The following BEAN1 variants were observed in gnomAD, a reference collection of about 807,000 sequenced individuals.
BEAN1 encodes the protein protein BEAN1.
Under a neutral mutation model 17.7 loss-of-function variants are expected in BEAN1, and 17 were observed. The ratio of observed to expected loss-of-function variants is 0.96; its 90% CI spans 0.66 to 1.44. BEAN1 has a LOEUF of 1.44. Ranked by LOEUF, BEAN1 falls within the 40% of genes most tolerant of loss-of-function variation. The probability of loss-of-function intolerance (pLI) is 0.00; values close to 1 mark genes in which losing one functional copy is unlikely to be tolerated. For synonymous variants in BEAN1, 142 were observed against 151.8 expected (o/e 0.94, Z 0.47); for missense variants, 359 against 374.1 (o/e 0.96, Z 0.33).
At chr16:66,440,955 C>T (rs1329454765) in intron 2 of BEAN1, among the ~76,000 whole-genome samples, 1 of 152,186 alleles carries the variant, frequency 6.6e-6, no homozygotes, top group Non-Finnish European at 1.5e-5. Flanking sequence ...CCCAAGGAGA[C>T]CCTTGGGGTT....
intron 2 of BEAN1, among the ~76,000 whole-genome samples, chr16:66,452,608 G>A (rs533643629): frequency 6.6e-6 from 1 of 152,368 alleles, no homozygotes; most frequent in Non-Finnish European, 1.5e-5. Context: ...TTGGCGAAGG[G>A]ATCTGTGGGG....
intron 2 of BEAN1, among the ~76,000 whole-genome samples, chr16:66,450,080 A>T (rs1267783175): frequency 2.0e-5 from 3 of 152,258 alleles, no homozygotes; most frequent in African/African-American, 4.8e-5. Flanking sequence ...GCTGAAGTTC[A>T]GTATCTGACT....
At chr16:66,445,086 C>G (rs902175823) in intron 2 of BEAN1, among the ~76,000 whole-genome samples, 2 of 152,180 alleles carry the variant, frequency 1.3e-5, no homozygotes, top group South Asian at 4.1e-4. Context: ...AAAGTCCCAG[C>G]TCTTATGGTG....
Position 66,473,545 on chromosome 16 carries a change from G to A in BEAN1, c.289+3680G>A, listed in dbSNP as rs1000649923. Among the ~76,000 whole-genome samples, 6 of 151,890 alleles carry A rather than the reference G, an allele frequency of 4.0e-5. No homozygotes were observed. The highest frequency in any genetic ancestry group is 2.0e-4 in the Admixed American group (3 of 15,272). ...AGCAGCTGTGGGAGAACATGAAAGCGGCACCACCAGGCGCGGTGCCTCACA... is the reference window on the plus strand; with the variant it reads ...AGCAGCTGTGGGAGAACATGAAAGCAGCACCACCAGGCGCGGTGCCTCACA... On this transcript the variant is annotated intron_variant, in intron 3 of 4. Coordinates refer to ENST00000536005, the MANE Select transcript of BEAN1 (RefSeq NM_001178020.3). The surrounding 1 kb of genome is among the most constrained non-coding windows in gnomAD (Gnocchi z 4.5).
At position 66,456,760 on chromosome 16, in the gene BEAN1, G is replaced by A. The variant is rs565672305; in HGVS notation, c.26-12842G>A. Among the ~76,000 whole-genome samples, 10 of 152,296 alleles carry A rather than the reference G, an allele frequency of 6.6e-5. No homozygotes were observed. The East Asian group carries it at 9.6e-4, about 15-fold the overall frequency. ...CAATAAATAAGTTCTTCTTTAAGCC[G>A]GAGTTAAAACCTTAGTGAATGATGA... On this transcript the variant is annotated intron_variant, in intron 2 of 4. Transcript: ENST00000536005.
rs1027127281 is a variant in BEAN1, at chr16:66,471,971, C to T, written c.289+2106C>T. 4.6e-5 allele frequency among the ~76,000 whole-genome samples: 7 copies of T among 152,182 alleles called. No homozygotes were observed. Among genetic ancestry groups the T allele is most frequent in the Admixed American group, 1.3e-4 (2 of 15,286 alleles). On this transcript the variant is annotated intron_variant, in intron 3 of 4. Transcript: ENST00000536005. This position sits in a 1 kb window ranked among gnomAD's most constrained non-coding sequence, Gnocchi z 4.7. ...GGTAGACCCAGGATGGTCAGTCTGC[C>T]GCCTGCCCCTCGCACAGCCTGGCCC...
chr16:66,439,799 C>G (rs1962178411), intron 2 of BEAN1, among the ~76,000 whole-genome samples: 1 of 152,198 alleles, frequency 6.6e-6, no homozygotes, highest in Admixed American at 6.5e-5. Flanking sequence ...GCCCCTGACT[C>G]TGCCACCAGA....
At chr16:66,453,085 G>C (rs11075635) in intron 2 of BEAN1, among the ~76,000 whole-genome samples, 38,310 of 151,878 alleles carry the variant, frequency 0.25, 5,596 homozygotes, top group East Asian at 0.43. Flanking sequence ...TTGATATTCT[G>C]TGTTGCTTTT....
intron 2 of BEAN1, among the ~76,000 whole-genome samples, chr16:66,440,835 CT>C (rs1962228918): frequency 6.6e-6 from 1 of 152,206 alleles, no homozygotes; most frequent in Non-Finnish European, 1.5e-5. Flanking sequence ...TTGTCTTCCT[CT>C]CTAGGCCAGC....
downstream of BEAN1, among the ~76,000 whole-genome samples, chr16:66,486,308 A>T (rs1347319810): frequency 6.6e-6 from 1 of 152,134 alleles, no homozygotes; most frequent in Non-Finnish European, 1.5e-5. Flanking sequence ...GGCTCACTGC[A>T]ACCTCCGTCT....
At chr16:66,487,471 A>T (rs894452441), downstream of BEAN1, among the ~76,000 whole-genome samples, 1 of 152,176 alleles carries the variant, frequency 6.6e-6, no homozygotes. Context: ...AGGAACTCCC[A>T]GCTCAATTAT....
At chr16:66,456,068 T>G (rs1962855046) in intron 2 of BEAN1, among the ~76,000 whole-genome samples, 1 of 152,214 alleles carries the variant, frequency 6.6e-6, no homozygotes, top group African/African-American at 2.4e-5. Flanking sequence ...AAGCTCATTC[T>G]TGGGAAGGAG....
In BEAN1 at chr16:66,477,657, C is replaced by A. The variant is rs142343073; in HGVS notation, c.387C>A (p.Asp129Glu). 5 of 1,550,704 alleles carry A rather than the reference C, an allele frequency of 3.2e-6. No homozygotes were observed. In the African/African-American group the frequency reaches 6.8e-5, roughly 21 times the overall value. The change falls in exon 4 of 5, where the codon GAC (aspartate) becomes GAA (glutamate). Residue 129 changes from aspartate to glutamate, a missense_variant. Coordinates refer to ENST00000536005, the MANE Select transcript of BEAN1 (RefSeq NM_001178020.3). ...CCCCACCCTTGGACATCAGCTCTGA[C>A]GGGGACGTGGATGCCACGGTGCTCA... ...DWPPPLDISS[D>E]GDVDATVLRE... is the part of the protein sequence containing the mutation.
chr16:66,478,761 GA>G (rs2142462956), intron 4 of BEAN1, among the ~76,000 whole-genome samples: 1 of 152,356 alleles, frequency 6.6e-6, no homozygotes, highest in Admixed American at 6.5e-5. Context: ...TCATGCTGAG[GA>G]GGACGAGGGG....
rs543197094 is a variant in BEAN1 at position 66,471,502 on chromosome 16, G to A, written c.289+1637G>A. On this transcript the variant is annotated intron_variant, in intron 3 of 4. Transcript: ENST00000536005. This position sits in a 1 kb window ranked among gnomAD's most constrained non-coding sequence, Gnocchi z 4.7. ...GCCCCGTGGGCTCAAGGCAGTGTCC[G>A]GCAGACACGTACATGGCCACAGTGG... Among the ~76,000 whole-genome samples, 11 of 152,354 alleles carry A rather than the reference G, an allele frequency of 7.2e-5. No homozygotes were observed. Among genetic ancestry groups the A allele is most frequent in the South Asian group, 4.1e-4 (2 of 4,832 alleles).
At chr16:66,464,461 C>T (rs2142421733) in intron 2 of BEAN1, among the ~76,000 whole-genome samples, 1 of 152,260 alleles carries the variant, frequency 6.6e-6, no homozygotes, top group South Asian at 2.1e-4. Context: ...CTGCCACAGC[C>T]TCCTGAGTAG....
rs545490722 is a variant in BEAN1, at chr16:66,471,620, C to T, written c.289+1755C>T. 2.0e-5 allele frequency among the ~76,000 whole-genome samples: 3 copies of T among 152,364 alleles called. No homozygotes were observed. The East Asian group carries it at 5.8e-4, about 29-fold the overall frequency. On this transcript the variant is annotated intron_variant, in intron 3 of 4. Transcript: ENST00000536005. The surrounding 1 kb of genome is among the most constrained non-coding windows in gnomAD (Gnocchi z 4.7). The stretch of plus-strand genomic sequence containing the variant: ...GGACCTTGTGTAAGACACAGAGGGA[C>T]ATCCCGGGATGAGTCGGACAAGTGG...
At chr16:66,487,886 C>A (rs1964110881) in intron 4 of BEAN1, among the ~76,000 whole-genome samples, 1 of 152,184 alleles carries the variant, frequency 6.6e-6, no homozygotes, top group African/African-American at 2.4e-5. Flanking sequence ...CACTGACGGG[C>A]AGAGAGAGCA....
intron 2 of BEAN1, among the ~76,000 whole-genome samples, chr16:66,439,457 T>A (rs1962161424): frequency 6.6e-6 from 1 of 152,164 alleles, no homozygotes. Context: ...TGGAGAAGCC[T>A]GGGAAAAGTC....
Sources: allele counts gnomAD v4.1 joint callset (sites outside exome capture counted in the v4.1 genomes callset), GRCh38; gene constraint gnomAD v4.1.1; non-coding constraint Gnocchi (gnomAD v3.1); transcripts MANE v1.5; gene names NCBI Gene and HGNC (gene_info 2026-07-23, HGNC 2026-07-21).